Variants in IMPDH1 observed in about 807,000 individuals in gnomAD.
The protein encoded by IMPDH1 is inosine-5'-monophosphate dehydrogenase 1.
A neutral mutation model predicts 73.5 loss-of-function variants in IMPDH1; 41 were observed. That is an observed-to-expected ratio of 0.56 (90% CI 0.43 to 0.72). IMPDH1 has a LOEUF of 0.72. IMPDH1 is among the 30% of genes least tolerant of loss of function. The pLI is 0.00. For synonymous variants in IMPDH1, 318 were observed against 334.3 expected, an observed-to-expected ratio of 0.95 and a Z score of 0.53; for missense variants, 645 against 824.8, an observed-to-expected ratio of 0.78 and a Z score of 2.67.
intron 16 of IMPDH1, 59 bp from the exon 17 acceptor site, chr7:128,393,087 A>G (rs1797644827): frequency 1.3e-6 from 2 of 1,587,972 alleles, no homozygotes; most frequent in Non-Finnish European, 1.7e-6. Context: ...GCTCCTTCCC[A>G]AAACCCTTTC....
chr7:128,409,288 C>G lies in IMPDH1; in HGVS notation c.254+1G>C, dbSNP rs557857234. 1 of 1,613,494 alleles carries G rather than the reference C, an allele frequency of 6.2e-7. No homozygotes were observed. The highest frequency in any genetic ancestry group is 1.1e-5 in the South Asian group (1 of 91,030). Reference sequence around the variant, plus strand: ...TGGTGAGGAGGGGAGAGTGTCCTCACCTAGCCCTGCGAAGGCGATCCATCT... The same window carrying G: ...TGGTGAGGAGGGGAGAGTGTCCTCAGCTAGCCCTGCGAAGGCGATCCATCT... On this transcript the variant is annotated splice_donor_variant, in intron 3 of 16. Coordinates refer to ENST00000338791, the MANE Select transcript of IMPDH1 (RefSeq NM_000883.4). LOFTEE classifies it high-confidence loss of function.
At position 128,398,653 on chromosome 7, in the gene IMPDH1, G is replaced by A. The variant is rs1185366480; in HGVS notation, c.875-40C>T. The A allele has an allele frequency of 6.4e-7, 1 of 1,551,798 alleles. No homozygotes were observed. Among genetic ancestry groups the A allele is most frequent in the Non-Finnish European group, 8.9e-7 (1 of 1,125,646 alleles). On this transcript the variant is annotated intron_variant, in intron 9 of 16. Transcript: ENST00000338791. This position sits in a 1 kb window ranked among gnomAD's most constrained non-coding sequence, Gnocchi z 4.3. The stretch of plus-strand genomic sequence containing the variant: ...AGGGGTGAAATGAAGCAGGCTTGGT[G>A]GGGAGAAGTTTGGGAGATGTTTAGG...
At chr7:128,406,310 A>AC (rs1445100287) in intron 3 of IMPDH1, among the ~76,000 whole-genome samples, 288 of 17,506 alleles carry the variant, frequency 0.016, 2 homozygotes, top group South Asian at 0.086. Flanking sequence ...CACACCCCCC[A>AC]CCCCCCCCAC....
In IMPDH1 at chr7:128,394,497, G is replaced by T. The variant is rs147882304; in HGVS notation, c.1653C>A (p.His551Gln). The T allele has an allele frequency of 6.2e-7, 1 of 1,613,974 alleles. No homozygotes were observed. Among genetic ancestry groups the T allele is most frequent in the Non-Finnish European group, 8.5e-7 (1 of 1,179,940 alleles). ...FVPYLIAGIQ[H>Q]GCQDIGARSL... ...TGCGGGCCCCGATATCCTGGCAGCC[G>T]TGTTGGATGCCTGCTATGAGGTAGG... The change falls in exon 15 of 17, where the codon CAC (histidine) becomes CAA (glutamine). Residue 551 changes from histidine (H) to glutamine (Q), a missense_variant. By Grantham distance (24) the His-to-Gln change is conservative (BLOSUM62 0). This residue lies in a region of IMPDH1 where 459 missense variants were observed against 638.2 expected (regional missense o/e 0.72). Transcript: ENST00000338791. The surrounding 1 kb of genome is among the most constrained non-coding windows in gnomAD (Gnocchi z 5.5).
At chr7:128,408,612 A>G (rs1037100801) in intron 3 of IMPDH1, among the ~76,000 whole-genome samples, 4 of 152,134 alleles carry the variant, frequency 2.6e-5, no homozygotes, top group African/African-American at 9.7e-5. Flanking sequence ...CCCTTGATGC[A>G]GAAGTGCAAT....
chr7:128,395,418 A>T (rs1797848920), intron 12 of IMPDH1, 144 bp from the exon 13 acceptor site: 1 of 976,780 alleles, frequency 1.0e-6, no homozygotes, highest in African/African-American at 1.6e-5. Flanking sequence ...GAGGCATAAC[A>T]TAGGTGCTGG....
At chr7:128,405,988 C>CCGGGGG (rs907691474) in intron 3 of IMPDH1, 123 bp from the exon 4 acceptor site, 84 of 811,354 alleles carry the variant, frequency 1.0e-4, no homozygotes, top group African/African-American at 3.9e-4. Flanking sequence ...GCCGGGCGGG[C>CCGGGGG]CGGGGGCGGG....
chr7:128,399,522 CAA>C (rs71700779), intron 9 of IMPDH1, among the ~76,000 whole-genome samples: 9 of 120,640 alleles, frequency 7.5e-5, no homozygotes, highest in African/African-American at 9.4e-5. Flanking sequence ...ACTAAAAATA[CAA>C]AAAAAAAAAA....
At chr7:128,405,077 G>A (rs1798615893) in intron 4 of IMPDH1, among the ~76,000 whole-genome samples, 1 of 152,232 alleles carries the variant, frequency 6.6e-6, no homozygotes, top group Non-Finnish European at 1.5e-5. Flanking sequence ...GCACAGTCCT[G>A]CAGCCAGGAG....
chr7:128,394,013 C>T lies in IMPDH1; in HGVS notation c.1778+265G>A, dbSNP rs1012452128. 1.3e-5 allele frequency among the ~76,000 whole-genome samples: 2 copies of T among 152,166 alleles called. No homozygotes were observed. Among genetic ancestry groups the T allele is most frequent in the African/African-American group, 4.8e-5 (2 of 41,436 alleles). ...TCCTGAGCAAGCAAGGGCTGGGAGTCCAGGTGCAGTGACTGGCCACACCTC... is the reference window on the plus strand; with the variant it reads ...TCCTGAGCAAGCAAGGGCTGGGAGTTCAGGTGCAGTGACTGGCCACACCTC... On this transcript the variant is annotated intron_variant, in intron 16 of 16. Transcript: ENST00000338791. This position sits in a 1 kb window ranked among gnomAD's most constrained non-coding sequence, Gnocchi z 5.5.
chr7:128,406,304 C>CT (rs1654031031), intron 3 of IMPDH1, among the ~76,000 whole-genome samples: 1 of 486 alleles, frequency 2.1e-3, no homozygotes, highest in Non-Finnish European at 0.023. Flanking sequence ...CACCCCCACA[C>CT]CCCCCACCCC....
In IMPDH1 at chr7:128,405,846, T is replaced by A; in HGVS notation, c.274A>T (p.Ser92Cys). ...TCGGGCACGTAGCCGGTGCCGCCGC[T>A]GATCAGGTAGTCCGCCATGCTGCCG... ...RRASMADYLI[S>C]GGTGYVPEDG... is the part of the protein sequence containing the mutation. Residue 92 changes from serine to cysteine, a missense_variant, in exon 4 of 17, where the codon AGC (serine) becomes TGC (cysteine). Coordinates refer to ENST00000338791, the MANE Select transcript of IMPDH1 (RefSeq NM_000883.4). 1 of 1,536,020 alleles carries A rather than the reference T, an allele frequency of 6.5e-7. No individual in the cohort carries two copies. Among genetic ancestry groups the A allele is most frequent in the Non-Finnish European group, 8.7e-7 (1 of 1,143,138 alleles).
chr7:128,392,392 G>A lies in IMPDH1; in HGVS notation c.*615C>T, dbSNP rs976819321. ...TCGACTGCAGCTGAGGAGAAGGGAGGAATGGTTCACCTGGGGACGGTGGTG... is the reference window on the plus strand; with the variant it reads ...TCGACTGCAGCTGAGGAGAAGGGAGAAATGGTTCACCTGGGGACGGTGGTG... On this transcript the variant is annotated 3_prime_UTR_variant, in exon 17 of 17. Transcript: ENST00000338791. 1 of 154,564 alleles carries A rather than the reference G, an allele frequency of 6.5e-6. No individual in the cohort carries two copies. The highest frequency in any genetic ancestry group is 1.4e-5 in the Non-Finnish European group (1 of 69,340). The allele number at this position is 154,564 out of a possible 1,614,324, so 9.6% of individuals were successfully genotyped here. A position where few individuals can be genotyped will look rare whatever the true frequency, so the allele number is the denominator to read the frequency against.
chr7:128,408,575 T>TC (rs1345328332), intron 3 of IMPDH1, among the ~76,000 whole-genome samples: 2 of 7,112 alleles, frequency 2.8e-4, no homozygotes, highest in Admixed American at 2.3e-3. Flanking sequence ...GGGGTGCGGG[T>TC]CGGTTGGGGG....
At position 128,392,831 on chromosome 7, in the gene IMPDH1, G is replaced by A; in HGVS notation, c.*176C>T. The A allele has an allele frequency of 7.7e-6, 5 of 651,542 alleles. No homozygotes were observed. Among genetic ancestry groups the A allele is most frequent in the Non-Finnish European group, 1.4e-5 (5 of 366,714 alleles). The allele number at this position is 651,542 out of a possible 1,614,324, so 40.4% of individuals were successfully genotyped here. Reference sequence around the variant, plus strand: ...CCCCGGGAGCAGTCCTGACTCTGCAGGGGATGCCGAGTGAGGGGCAGCAGT... The same window carrying A: ...CCCCGGGAGCAGTCCTGACTCTGCAAGGGATGCCGAGTGAGGGGCAGCAGT... On this transcript the variant is annotated 3_prime_UTR_variant, in exon 17 of 17. Transcript: ENST00000338791.
At position 128,398,367 on chromosome 7, in the gene IMPDH1, G is replaced by T; in HGVS notation, c.1074+47C>A. On this transcript the variant is annotated intron_variant, in intron 10 of 16. Transcript: ENST00000338791. The surrounding 1 kb of genome is among the most constrained non-coding windows in gnomAD (Gnocchi z 4.3). ...CTGGGTCCTCATAAACCTCCACTCTGCTGAACCACTCATCCATCTCCCCCA... is the reference window on the plus strand; with the variant it reads ...CTGGGTCCTCATAAACCTCCACTCTTCTGAACCACTCATCCATCTCCCCCA... The T allele has an allele frequency of 1.3e-6, 2 of 1,520,306 alleles. No individual in the cohort carries two copies. Among genetic ancestry groups the T allele is most frequent in the Non-Finnish European group, 1.8e-6 (2 of 1,097,158 alleles). The allele number at this position is 1,520,306 out of a possible 1,614,324, so 94.2% of individuals were successfully genotyped here.
intron 10 of IMPDH1, among the ~76,000 whole-genome samples, 179 bp from the exon 11 acceptor site, chr7:128,397,201 C>A (rs1166975670): frequency 7.1e-6 from 1 of 141,540 alleles, no homozygotes; most frequent in Admixed American, 7.1e-5. Flanking sequence ...TCAGTCAATT[C>A]TCAAAGGGGA....
intron 7 of IMPDH1, 99 bp from the exon 8 acceptor site, chr7:128,400,638 G>A: frequency 7.5e-7 from 1 of 1,328,266 alleles, no homozygotes; most frequent in Non-Finnish European, 1.1e-6. Context: ...CTGCAGAGAA[G>A]CCAGGACCCT....
chr7:128,400,526 C>T lies in IMPDH1; in HGVS notation c.593G>A (p.Gly198Asp). Residue 198 changes from glycine to aspartate, a missense_variant, in exon 8 of 17, where the codon GGC (glycine) becomes GAC (aspartate). This residue lies in a region of IMPDH1 where 459 missense variants were observed against 638.2 expected (regional missense o/e 0.72). Transcript: ENST00000338791. ...EVRKVKKFEQ[G>D]FITDPVVLSP... Reference sequence around the variant, plus strand: ...CAGCACCACAGGGTCCGTGATGAAGCCCTGTTCAAACTTCTGCGGGCAGAG... The same window carrying T: ...CAGCACCACAGGGTCCGTGATGAAGTCCTGTTCAAACTTCTGCGGGCAGAG... 1 of 1,612,684 alleles carries T rather than the reference C, an allele frequency of 6.2e-7. No individual in the cohort carries two copies. The highest frequency in any genetic ancestry group is 8.5e-7 in the Non-Finnish European group (1 of 1,179,850).
Sources: gnomAD v4.1 joint callset for allele counts (sites outside exome capture counted in the v4.1 genomes callset) on GRCh38, gnomAD v4.1.1 for gene constraint, gnomAD v4.1.1 regional missense constraint, Gnocchi (gnomAD v3.1) non-coding constraint, MANE v1.5 for transcripts, NCBI Gene and HGNC (gene_info 2026-07-23, HGNC 2026-07-21) for gene names.